Variants in APIP observed in about 807,000 individuals in gnomAD.
APIP encodes the protein APAF1 interacting protein.
Under a neutral mutation model 32.0 loss-of-function variants are expected in APIP, and 32 were observed. That is an observed-to-expected ratio of 1.00 (90% CI 0.76 to 1.34). APIP has a LOEUF of 1.34. Among genes scored for constraint, APIP ranks in the 40% most tolerant of loss-of-function variants. The pLI, the probability that APIP is intolerant of heterozygous loss-of-function variation, is 0.00. For missense variants in APIP, 247 were observed against 298.6 expected (o/e 0.83, Z 1.27); for synonymous variants, 92 against 94.8 (o/e 0.97, Z 0.17).
At chr11:34,888,225 G>A (rs2133905150) in intron 5 of APIP, 68 bp downstream of exon 5, 1 of 1,358,838 alleles carries the variant, frequency 7.4e-7, no homozygotes, top group East Asian at 2.4e-5. Context: ...AAAATGATCA[G>A]TATTCTATTT....
At chr11:34,894,467 C>CAA (rs57079015) in intron 2 of APIP, among the ~76,000 whole-genome samples, 31,168 of 86,016 alleles carry the variant, frequency 0.36, 5,791 homozygotes, top group East Asian at 0.6. Flanking sequence ...CCAGTCTCTA[C>CAA]AAAAAAAAAA....
chr11:34,898,786 GTTTTTTTTT>G (rs57593563), intron 1 of APIP, among the ~76,000 whole-genome samples: 10 of 55,166 alleles, frequency 1.8e-4, no homozygotes, highest in Non-Finnish European at 3.1e-4. Flanking sequence ...TCTTTCTTTG[GTTTTTTTTT>G]TTTTTTTTTT....
chr11:34,915,992 TG>T (rs1223571121), intron 1 of APIP: 1 of 590,912 alleles, frequency 1.7e-6, no homozygotes, highest in Non-Finnish European at 2.9e-6. Context: ...TTCCAACGTT[TG>T]GCGCCCAGCT....
At chr11:34,913,653 A>C (rs1414279803) in intron 1 of APIP, among the ~76,000 whole-genome samples, 1 of 152,126 alleles carries the variant, frequency 6.6e-6, no homozygotes, top group African/African-American at 2.4e-5. Flanking sequence ...AAGAGCGAAA[A>C]AACAAAGCTT....
intron 5 of APIP, among the ~76,000 whole-genome samples, 169 bp from the exon 6 acceptor site, chr11:34,883,673 A>G (rs1853010949): frequency 6.6e-6 from 1 of 152,190 alleles, no homozygotes; most frequent in African/African-American, 2.4e-5. Context: ...TTGTATAAAC[A>G]TCTCTATCAA....
At chr11:34,894,188 A>G (rs1853228049) in intron 2 of APIP, among the ~76,000 whole-genome samples, 1 of 152,186 alleles carries the variant, frequency 6.6e-6, no homozygotes, top group Non-Finnish European at 1.5e-5. Context: ...GCAATTGAAT[A>G]CTATTTATCC....
intron 5 of APIP, among the ~76,000 whole-genome samples, chr11:34,887,305 C>G: frequency 6.6e-6 from 1 of 152,290 alleles, no homozygotes; most frequent in East Asian, 1.9e-4. Context: ...CAATAACATT[C>G]ATATGAAACT....
At chr11:34,888,636 T>G (rs1266904615) in intron 4 of APIP, 116 bp downstream of exon 4, 9 of 1,126,792 alleles carry the variant, frequency 8.0e-6, no homozygotes, top group Non-Finnish European at 8.8e-6. Flanking sequence ...GTTCATGCAC[T>G]TCAAGTTCTT....
intron 1 of APIP, among the ~76,000 whole-genome samples, chr11:34,899,808 G>A (rs1028171348): frequency 5.3e-5 from 8 of 152,206 alleles, no homozygotes; most frequent in Admixed American, 2.0e-4. Flanking sequence ...AGGAACTAGC[G>A]AGGGAAAATA....
Position 34,895,049 on chromosome 11 carries a change from C to T in APIP, c.119G>A (p.Trp40Ter), listed in dbSNP as rs752271072. Residue 40 changes from tryptophan (W) to a stop codon, truncating the protein, a stop_gained, in exon 2 of 7, where the codon TGG (tryptophan) becomes TAG (stop). Coordinates refer to ENST00000395787, the MANE Select transcript of APIP (RefSeq NM_015957.4). LOFTEE classifies it high-confidence loss of function. Reference protein sequence around the residue: ...ELCKQFYHLGWVTGTGGGISL... With the variant: ...ELCKQFYHLG Reference sequence around the variant, plus strand: ...AATTCCTCCTCCAGTCCCAGTGACCCAGCCTAAATGGTAAAACTGTTTGCA... The same window carrying T: ...AATTCCTCCTCCAGTCCCAGTGACCTAGCCTAAATGGTAAAACTGTTTGCA... The T allele has an allele frequency of 6.2e-7, 1 of 1,614,122 alleles. No individual in the cohort carries two copies. Among genetic ancestry groups the T allele is most frequent in the South Asian group, 1.1e-5 (1 of 91,078 alleles).
chr11:34,906,193 T>C (rs778562173), intron 1 of APIP, among the ~76,000 whole-genome samples: 1 of 152,096 alleles, frequency 6.6e-6, no homozygotes, highest in African/African-American at 2.4e-5. Context: ...CCTGGATACA[T>C]TTAATCCTCC....
intron 1 of APIP, among the ~76,000 whole-genome samples, chr11:34,907,999 C>A (rs990764289): frequency 4.6e-5 from 7 of 152,024 alleles, no homozygotes; most frequent in African/African-American, 1.7e-4. Flanking sequence ...GCATATATTC[C>A]TCAGATACAG....
At chr11:34,885,263 G>A (rs1853047142) in intron 5 of APIP, among the ~76,000 whole-genome samples, 1 of 147,762 alleles carries the variant, frequency 6.8e-6, no homozygotes, top group Non-Finnish European at 1.5e-5. Context: ...ATATATAGGT[G>A]TATATATATA....
intron 1 of APIP, among the ~76,000 whole-genome samples, chr11:34,901,440 C>T (rs948019595): frequency 1.2e-4 from 19 of 152,036 alleles, no homozygotes; most frequent in African/African-American, 4.6e-4. Flanking sequence ...ACTGCCATTA[C>T]AGCACAGGAA....
chr11:34,884,754 T>C (rs190511667), intron 5 of APIP, among the ~76,000 whole-genome samples: 144 of 152,104 alleles, frequency 9.5e-4, no homozygotes, highest in Middle Eastern at 3.4e-3. Flanking sequence ...TCCTTAAATA[T>C]TGAAGGAATG....
chr11:34,910,123 G>A (rs1010345928), intron 1 of APIP, among the ~76,000 whole-genome samples: 8 of 152,214 alleles, frequency 5.3e-5, no homozygotes, highest in Admixed American at 5.2e-4. Context: ...TTGAAATCAT[G>A]AAGCAAGGCC....
intron 5 of APIP, among the ~76,000 whole-genome samples, chr11:34,885,188 A>G (rs1226143228): frequency 6.7e-6 from 1 of 148,184 alleles, no homozygotes; most frequent in African/African-American, 2.5e-5. Flanking sequence ...ATATGTATAT[A>G]TATACCTATA....
chr11:34,886,437 TAAA>T (rs529730563), intron 5 of APIP, among the ~76,000 whole-genome samples: 1 of 146,376 alleles, frequency 6.8e-6, no homozygotes, highest in Non-Finnish European at 1.5e-5. Context: ...GTCCAAAAGT[TAAA>T]AAAAAAAAGT....
At chr11:34,889,784 C>T (rs1394792292) in intron 3 of APIP, among the ~76,000 whole-genome samples, 5 of 152,088 alleles carry the variant, frequency 3.3e-5, no homozygotes, top group Non-Finnish European at 7.4e-5. Context: ...TGGTTTCCAG[C>T]TCCACTCATG....
Sources: gnomAD v4.1 joint callset for allele counts (sites outside exome capture counted in the v4.1 genomes callset) on GRCh38, gnomAD v4.1.1 for gene constraint, MANE v1.5 for transcripts, NCBI Gene and HGNC (gene_info 2026-07-23, HGNC 2026-07-21) for gene names.